The following EIF2B3 variants were observed in gnomAD, a reference collection of about 807,000 sequenced individuals.
EIF2B3 encodes the protein translation initiation factor eIF2B subunit gamma.
A neutral mutation model predicts 54.1 loss-of-function variants in EIF2B3; 20 were observed. The ratio of observed to expected loss-of-function variants is 0.37; its 90% CI spans 0.26 to 0.54. The LOEUF (loss-of-function observed/expected upper bound fraction) is 0.54, where lower values mean the gene tolerates loss of function less well. Among genes scored for constraint, EIF2B3 ranks in the 20% least tolerant of loss-of-function variants. The pLI is 0.86. For missense variants in EIF2B3, 448 were observed against 547.8 expected (o/e 0.82, Z 1.82); for synonymous variants, 153 against 188.1 (o/e 0.81, Z 1.52).
intron 6 of EIF2B3, among the ~76,000 whole-genome samples, chr1:44,888,173 A>G (rs1450163213): frequency 6.6e-6 from 1 of 152,174 alleles, no homozygotes; most frequent in African/African-American, 2.4e-5. Context: ...CCAGTTCAAT[A>G]TTGGGTGCTA....
intron 1 of EIF2B3, 53 bp from the exon 2 acceptor site, chr1:44,981,230 A>G (rs1279239114): frequency 6.3e-7 from 1 of 1,587,298 alleles, no homozygotes; most frequent in African/African-American, 1.3e-5. Flanking sequence ...AACAAAAATC[A>G]AAGCACACAT....
rs368344875 is a variant in EIF2B3, at chr1:44,946,491, G to A, written c.295-4826C>T. ...CTCAGTCTGTTGCCCAGGCTGGAGTGCAGAGGTGTGATCATAGCTCACTGT... is the reference window on the plus strand; with the variant it reads ...CTCAGTCTGTTGCCCAGGCTGGAGTACAGAGGTGTGATCATAGCTCACTGT... On this transcript the variant is annotated intron_variant, in intron 3 of 11. Coordinates refer to ENST00000360403, the MANE Select transcript of EIF2B3 (RefSeq NM_020365.5). 2.2e-4 allele frequency among the ~76,000 whole-genome samples: 32 copies of A among 146,680 alleles called. No homozygotes were observed. The East Asian group carries it at 5.3e-3, about 24-fold the overall frequency.
At chr1:44,866,480 G>A (rs1654786658) in intron 10 of EIF2B3, among the ~76,000 whole-genome samples, 1 of 151,910 alleles carries the variant, frequency 6.6e-6, no homozygotes, top group South Asian at 2.1e-4. Context: ...AAGTGCCACA[G>A]TACCATGTGA....
At chr1:44,961,268 G>A (rs1644282199) in intron 3 of EIF2B3, among the ~76,000 whole-genome samples, 1 of 142,250 alleles carries the variant, frequency 7.0e-6, no homozygotes, top group Non-Finnish European at 1.5e-5. Flanking sequence ...AGTGAGCCAT[G>A]ATCATGCCAC....
At chr1:44,863,146 TA>T (rs1209102563) in intron 10 of EIF2B3, 1 of 152,198 alleles carries the variant, frequency 6.6e-6, no homozygotes, top group Non-Finnish European at 1.5e-5. Flanking sequence ...ACAGGCTTTC[TA>T]AACTACTCAT....
intron 11 of EIF2B3, 87 bp from the exon 12 acceptor site, chr1:44,851,090 G>A: frequency 4.4e-6 from 6 of 1,354,676 alleles, no homozygotes; most frequent in Non-Finnish European, 6.2e-6. Flanking sequence ...TGGAGACCGA[G>A]TTTCGCTCTT....
intron 1 of EIF2B3, among the ~76,000 whole-genome samples, chr1:44,985,608 A>C (rs911904556): frequency 1.3e-5 from 2 of 152,216 alleles, no homozygotes; most frequent in African/African-American, 4.8e-5. Flanking sequence ...AAACATGTGC[A>C]TAAGGGCATT....
At chr1:44,861,433 C>T (rs1191865469) in intron 10 of EIF2B3, among the ~76,000 whole-genome samples, 3 of 152,108 alleles carry the variant, frequency 2.0e-5, no homozygotes, top group African/African-American at 7.2e-5. Context: ...TGCTCTGAAG[C>T]TAGGCAAGAG....
At chr1:44,859,913 C>T (rs1327326044) in intron 10 of EIF2B3, among the ~76,000 whole-genome samples, 1 of 150,638 alleles carries the variant, frequency 6.6e-6, no homozygotes, top group Non-Finnish European at 1.5e-5. Context: ...CCTGCCACCA[C>T]ACCTGGCTCA....
chr1:44,927,059 G>A (rs773917611), intron 4 of EIF2B3, among the ~76,000 whole-genome samples: 5 of 151,900 alleles, frequency 3.3e-5, no homozygotes, highest in Non-Finnish European at 5.9e-5. Flanking sequence ...ACTTGAACCC[G>A]GGAGGTGGAG....
intron 1 of EIF2B3, among the ~76,000 whole-genome samples, chr1:44,982,715 C>A (rs1448803047): frequency 6.6e-6 from 1 of 152,048 alleles, no homozygotes; most frequent in Non-Finnish European, 1.5e-5. Context: ...ATCCTCCTGC[C>A]CCAACCTCTG....
intron 3 of EIF2B3, among the ~76,000 whole-genome samples, chr1:44,973,928 T>C (rs983189548): frequency 6.6e-6 from 1 of 152,192 alleles, no homozygotes; most frequent in Non-Finnish European, 1.5e-5. Context: ...ACCACTGAAC[T>C]GTACACTTGA....
At chr1:44,942,398 TATATATATATATATA>T (rs1378148328) in intron 3 of EIF2B3, among the ~76,000 whole-genome samples, 1 of 19,034 alleles carries the variant, frequency 5.3e-5, no homozygotes, top group Non-Finnish European at 1.0e-4. Context: ...TATATATATA[TATATATATATATATA>T]TATATTTTTT....
intron 3 of EIF2B3, among the ~76,000 whole-genome samples, chr1:44,954,686 T>G (rs1644203493): frequency 6.6e-6 from 1 of 152,198 alleles, no homozygotes. Context: ...ACAATTTGAC[T>G]TCCTCTCTTC....
At position 44,850,771 on chromosome 1, in the gene EIF2B3, G is replaced by T; in HGVS notation, c.*180C>A. The T allele has an allele frequency of 3.1e-6, 2 of 652,772 alleles. No homozygotes were observed. The highest frequency in any genetic ancestry group is 5.4e-6 in the Non-Finnish European group (2 of 370,176). The allele number at this position is 652,772 out of a possible 1,614,324, so 40.4% of individuals were successfully genotyped here. Reference sequence around the variant, plus strand: ...AGATGATCTTTACCACATGACACATGAACATACACTGTGTACACCTGGAGC... The same window carrying T: ...AGATGATCTTTACCACATGACACATTAACATACACTGTGTACACCTGGAGC... On this transcript the variant is annotated 3_prime_UTR_variant, in exon 12 of 12. Coordinates refer to ENST00000360403, the MANE Select transcript of EIF2B3 (RefSeq NM_020365.5).
At chr1:44,877,479 G>T (rs1010942155) in intron 8 of EIF2B3, among the ~76,000 whole-genome samples, 1 of 152,106 alleles carries the variant, frequency 6.6e-6, no homozygotes, top group Non-Finnish European at 1.5e-5. Context: ...GGGAAAGGAG[G>T]CCTGATCAGG....
intron 3 of EIF2B3, among the ~76,000 whole-genome samples, chr1:44,960,383 T>C (rs1253663679): frequency 6.6e-6 from 1 of 152,172 alleles, no homozygotes; most frequent in Non-Finnish European, 1.5e-5. Flanking sequence ...CTCACATCTG[T>C]AATCCCAGCA....
chr1:44,971,664 C>T lies in EIF2B3; in HGVS notation c.294+6651G>A, dbSNP rs1267753764. ...AGCTAATACAGCTCTGAGAAGACCA[C>T]CAAAAATCCCAAGCTCTTTGCAAAT... On this transcript the variant is annotated intron_variant, in intron 3 of 11. Transcript: ENST00000360403. 2.6e-5 allele frequency among the ~76,000 whole-genome samples: 4 copies of T among 152,158 alleles called. No individual in the cohort carries two copies. In the East Asian group the frequency reaches 7.7e-4, roughly 29 times the overall value.
chr1:44,950,322 G>A (rs1033938168), intron 3 of EIF2B3, among the ~76,000 whole-genome samples: 6 of 152,134 alleles, frequency 3.9e-5, no homozygotes, highest in African/African-American at 1.4e-4. Flanking sequence ...TACTTGAGAG[G>A]TTGAGGCAGG....
Sources: gnomAD v4.1 joint callset for allele counts (sites outside exome capture counted in the v4.1 genomes callset) on GRCh38, gnomAD v4.1.1 for gene constraint, MANE v1.5 for transcripts, NCBI Gene and HGNC (gene_info 2026-07-23, HGNC 2026-07-21) for gene names.